The following TRAPPC3L variants were observed in gnomAD, a reference collection of about 807,000 sequenced individuals.
TRAPPC3L encodes trafficking protein particle complex subunit 3-like protein.
In TRAPPC3L, 23 loss-of-function variants were observed where a neutral mutation model predicts 23.7. The observed-to-expected ratio is 0.97, with a 90% CI of 0.70 to 1.37. TRAPPC3L has a LOEUF of 1.37. TRAPPC3L is among the 40% of genes most tolerant of loss of function. TRAPPC3L has a pLI of 0.00. For missense variants in TRAPPC3L, 212 were observed against 216.8 expected (o/e 0.98, Z 0.14); for synonymous variants, 81 against 77.9 (o/e 1.04, Z -0.21).
intron 3 of TRAPPC3L, among the ~76,000 whole-genome samples, chr6:116,510,712 A>G (rs891156005): frequency 1.3e-5 from 2 of 152,154 alleles, no homozygotes; most frequent in Non-Finnish European, 2.9e-5. Context: ...ACACCTGCAC[A>G]TGTATATTTA....
chr6:116,517,377 G>A (rs989220028), intron 3 of TRAPPC3L: 4 of 152,094 alleles, frequency 2.6e-5, no homozygotes, highest in Admixed American at 2.6e-4. Flanking sequence ...CTATATCCAT[G>A]TTAGTATGTA....
intron 3 of TRAPPC3L, among the ~76,000 whole-genome samples, chr6:116,539,240 T>C (rs1192812854): frequency 6.6e-6 from 1 of 152,244 alleles, no homozygotes; most frequent in Non-Finnish European, 1.5e-5. Flanking sequence ...TTTTTCAAAC[T>C]ACTGTTTTGG....
Position 116,495,157 on chromosome 6 carries a change from T to A in TRAPPC3L, c.*1797A>T, listed in dbSNP as rs1221794862. The A allele has an allele frequency of 6.6e-6, 1 of 150,410 alleles. No individual in the cohort carries two copies. The highest frequency in any genetic ancestry group is 6.7e-5 in the Admixed American group (1 of 15,008). 9.3% of individuals were successfully genotyped at this position (150,410 alleles called of 1,614,324 possible). A position where few individuals can be genotyped will look rare whatever the true frequency, so the allele number is the denominator to read the frequency against. ...TTTTGTACCCATTAACCATCTCCACTCCTCTTGAAACTACCCTTCCCAGCC... is the reference window on the plus strand; with the variant it reads ...TTTTGTACCCATTAACCATCTCCACACCTCTTGAAACTACCCTTCCCAGCC... On this transcript the variant is annotated 3_prime_UTR_variant, in exon 5 of 5. Coordinates refer to ENST00000368602, the MANE Select transcript of TRAPPC3L (RefSeq NM_001139444.3).
chr6:116,505,146 A>G (rs1240268596), intron 3 of TRAPPC3L, among the ~76,000 whole-genome samples: 2 of 152,246 alleles, frequency 1.3e-5, no homozygotes, highest in African/African-American at 2.4e-5. Flanking sequence ...AATCTCCTTA[A>G]GCTGATAAGC....
At position 116,544,573 on chromosome 6, in the gene TRAPPC3L, TTAAC is replaced by T. The variant is rs1773659927; in HGVS notation, c.42+896_42+899del. On this transcript the variant is annotated intron_variant, in intron 1 of 4. Transcript: ENST00000368602. ...CATATGAATATCTGAAAGAACATCA[TTAAC>T]TATTTCAGTAGGTTATGAATGTATC... Among the ~76,000 whole-genome samples, 3 of 152,290 alleles carry T rather than the reference TTAAC, an allele frequency of 2.0e-5. No individual in the cohort carries two copies. The South Asian group carries it at 6.2e-4, about 32-fold the overall frequency.
At chr6:116,535,091 G>T (rs1161175373) in intron 3 of TRAPPC3L, among the ~76,000 whole-genome samples, 1 of 152,194 alleles carries the variant, frequency 6.6e-6, no homozygotes, top group Non-Finnish European at 1.5e-5. Flanking sequence ...TAACTAGAAG[G>T]TATGGATGGA....
intron 3 of TRAPPC3L, among the ~76,000 whole-genome samples, chr6:116,531,889 T>G (rs927664340): frequency 6.7e-6 from 1 of 149,622 alleles, no homozygotes; most frequent in East Asian, 1.9e-4. Context: ...TAATTTATAT[T>G]TAATTTTAAA....
intron 3 of TRAPPC3L, among the ~76,000 whole-genome samples, chr6:116,502,321 G>T (rs1202405527): frequency 6.6e-6 from 1 of 152,120 alleles, no homozygotes; most frequent in Non-Finnish European, 1.5e-5. Flanking sequence ...GGCAAGATTA[G>T]AGAAAAAAGG....
At chr6:116,505,308 C>A (rs555004257) in intron 3 of TRAPPC3L, among the ~76,000 whole-genome samples, 6 of 152,152 alleles carry the variant, frequency 3.9e-5, no homozygotes, top group Non-Finnish European at 8.8e-5. Context: ...ATCCATCTTA[C>A]AAGGGATGTG....
At chr6:116,505,223 AACAG>A (rs1231457247) in intron 3 of TRAPPC3L, among the ~76,000 whole-genome samples, 1 of 152,188 alleles carries the variant, frequency 6.6e-6, no homozygotes, top group Admixed American at 6.5e-5. Flanking sequence ...ACACACCAAT[AACAG>A]ACAAACAGAG....
At chr6:116,527,839 A>G (rs1157243310) in intron 3 of TRAPPC3L, among the ~76,000 whole-genome samples, 3 of 152,262 alleles carry the variant, frequency 2.0e-5, no homozygotes, top group Non-Finnish European at 4.4e-5. Context: ...ACCAATGCCT[A>G]ATGCATGCAG....
At chr6:116,506,695 A>T (rs2640883) in intron 3 of TRAPPC3L, among the ~76,000 whole-genome samples, 67,742 of 152,008 alleles carry the variant, frequency 0.45, 15,863 homozygotes, top group Middle Eastern at 0.59. Context: ...TAAAAAAGGA[A>T]GAGTTCATGT....
chr6:116,512,179 T>A (rs1341320055), intron 3 of TRAPPC3L: 1 of 1,610,948 alleles, frequency 6.2e-7, no homozygotes, highest in South Asian at 1.1e-5. Flanking sequence ...GTGGCAAAAC[T>A]AGCATGCTAC....
At chr6:116,541,350 T>G (rs541399033) in intron 2 of TRAPPC3L, among the ~76,000 whole-genome samples, 1 of 152,234 alleles carries the variant, frequency 6.6e-6, no homozygotes, top group South Asian at 2.1e-4. Context: ...TTGCCAAACC[T>G]CTATCAAAAT....
chr6:116,532,273 T>C (rs1422221254), intron 3 of TRAPPC3L, among the ~76,000 whole-genome samples: 1 of 152,208 alleles, frequency 6.6e-6, no homozygotes, highest in East Asian at 1.9e-4. Flanking sequence ...GTCTTTTTTT[T>C]CCTTTTTCTG....
chr6:116,524,565 G>C (rs892806919), intron 3 of TRAPPC3L: 1 of 152,102 alleles, frequency 6.6e-6, no homozygotes, highest in African/African-American at 2.4e-5. Flanking sequence ...ATATTGCTGA[G>C]GTGGCCACAG....
intron 3 of TRAPPC3L, among the ~76,000 whole-genome samples, chr6:116,529,650 T>C (rs919215242): frequency 6.6e-5 from 10 of 152,152 alleles, no homozygotes; most frequent in African/African-American, 2.4e-4. Context: ...TCTGGTGAGG[T>C]TGACAGGTAG....
intron 3 of TRAPPC3L, among the ~76,000 whole-genome samples, chr6:116,502,480 A>G (rs1771933345): frequency 6.6e-6 from 1 of 152,238 alleles, no homozygotes; most frequent in Non-Finnish European, 1.5e-5. Flanking sequence ...AACTTCCCCA[A>G]CCTAGCAAGG....
intron 3 of TRAPPC3L, among the ~76,000 whole-genome samples, chr6:116,510,525 C>T (rs906572756): frequency 6.6e-6 from 1 of 151,912 alleles, no homozygotes; most frequent in African/African-American, 2.4e-5. Flanking sequence ...TTGGCTCAAG[C>T]AATCCACCTG....
Sources: gnomAD v4.1 joint callset for allele counts (sites outside exome capture counted in the v4.1 genomes callset) on GRCh38, gnomAD v4.1.1 for gene constraint, MANE v1.5 for transcripts, NCBI Gene and HGNC (gene_info 2026-07-23, HGNC 2026-07-21) for gene names.